The following TNRC6B variants were observed in gnomAD, a reference collection of about 807,000 sequenced individuals.
TNRC6B encodes the protein trinucleotide repeat containing adaptor 6B, also known as trinucleotide repeat-containing gene 6B protein.
In TNRC6B, 52 loss-of-function variants were observed where a neutral mutation model predicts 203.6. The ratio of observed to expected loss-of-function variants is 0.26; its 90% CI spans 0.20 to 0.32. The LOEUF (loss-of-function observed/expected upper bound fraction) is 0.32. Ranked by LOEUF, TNRC6B falls within the 10% of genes least tolerant of loss-of-function variation. The pLI is 1.00. For synonymous variants in TNRC6B, 838 were observed against 845.7 expected (o/e 0.99, Z 0.16); for missense variants, 1,923 against 2,286.2 (o/e 0.84, Z 3.24).
intron 1 of TNRC6B, among the ~76,000 whole-genome samples, chr22:40,214,016 C>G (rs1442451246): frequency 6.6e-6 from 1 of 152,026 alleles, no homozygotes; most frequent in African/African-American, 2.4e-5. Context: ...GCTTGTAATC[C>G]CAGCACTTTG....
In TNRC6B at chr22:40,052,444, A is replaced by ATTTTTT. The variant is rs908013463; in HGVS notation, c.-121+7468_-121+7473dup. The stretch of plus-strand genomic sequence containing the variant: ...GCTTAATAGCAACGCTGTGTATTGT[A>ATTTTTT]TTTTTTTTTTTTTTTTTTTTTTTTT... On this transcript the variant is annotated intron_variant, in intron 1 of 23. Coordinates refer to the TNRC6B transcript ENST00000301923. Among the ~76,000 whole-genome samples the ATTTTTT allele has an allele frequency of 1.6e-3, 82 of 51,860 alleles. 2 individuals are homozygous for ATTTTTT. Among genetic ancestry groups the ATTTTTT allele is most frequent in the East Asian group, 3.2e-3 (6 of 1,884 alleles). The allele number at this position is 51,860 out of a possible 152,430, so 34.0% of individuals were successfully genotyped here. A position where few individuals can be genotyped will look rare whatever the true frequency, so the allele number is the denominator to read the frequency against.
At chr22:40,170,958 TAC>T (rs1395268270) in intron 4 of TNRC6B, among the ~76,000 whole-genome samples, 2 of 147,104 alleles carry the variant, frequency 1.4e-5, no homozygotes, top group African/African-American at 2.5e-5. Flanking sequence ...GGTGTATATA[TAC>T]ACACATATAC....
At chr22:40,313,788 A>G (rs1323009831) in intron 19 of TNRC6B, among the ~76,000 whole-genome samples, 1 of 152,150 alleles carries the variant, frequency 6.6e-6, no homozygotes, top group Non-Finnish European at 1.5e-5. Context: ...CCTACCACTC[A>G]CTGAATGATC....
chr22:40,277,636 T>C (rs1332957588), intron 8 of TNRC6B, among the ~76,000 whole-genome samples: 2 of 152,240 alleles, frequency 1.3e-5, no homozygotes, highest in East Asian at 3.8e-4. Flanking sequence ...GTTGAAGGTT[T>C]GATGACTTGA....
chr22:40,248,062 G>A (rs1349113262), intron 2 of TNRC6B, among the ~76,000 whole-genome samples: 2 of 151,022 alleles, frequency 1.3e-5, no homozygotes, highest in African/African-American at 4.9e-5. Flanking sequence ...GTGACAGAGT[G>A]AGATCTTGTG....
At chr22:40,093,493 T>C (rs1461841480) in intron 1 of TNRC6B, among the ~76,000 whole-genome samples, 1 of 152,130 alleles carries the variant, frequency 6.6e-6, no homozygotes, top group Non-Finnish European at 1.5e-5. Context: ...CCTGGATACA[T>C]TGGCAAATTC....
At chr22:40,264,551 T>A (rs1284626936) in intron 4 of TNRC6B, 137 bp from the exon 5 acceptor site, 3 of 927,198 alleles carry the variant, frequency 3.2e-6, no homozygotes, top group Non-Finnish European at 4.6e-6. Context: ...ACAGTTGTGA[T>A]ACAAGCAACT....
Position 40,320,231 on chromosome 22 carries a change from C to T in TNRC6B, c.4975-859C>T, listed in dbSNP as rs529370441. ...GCGCGGTGGCTCATGCCTGTAATCC[C>T]AGCACTTTGGGAGGCTGAGGCGAGT... On this transcript the variant is annotated intron_variant, in intron 21 of 22. Transcript: ENST00000454349. Among the ~76,000 whole-genome samples, 5 of 152,256 alleles carry T rather than the reference C, an allele frequency of 3.3e-5. No individual in the cohort carries two copies. The South Asian group carries it at 1.0e-3, about 32-fold the overall frequency.
chr22:40,060,483 C>G (rs115820957), intron 1 of TNRC6B, among the ~76,000 whole-genome samples: 1 of 152,158 alleles, frequency 6.6e-6, no homozygotes, highest in Admixed American at 6.5e-5. Context: ...TTTCCAAATA[C>G]TTGGAAGTTT....
At chr22:40,081,097 G>A (rs1278393295) in intron 1 of TNRC6B, among the ~76,000 whole-genome samples, 2 of 151,998 alleles carry the variant, frequency 1.3e-5, no homozygotes, top group African/African-American at 2.4e-5. Flanking sequence ...CTGACCTCAA[G>A]TGATCCACCC....
chr22:40,257,716 C>CA lies in TNRC6B; in HGVS notation c.116-4106dup, dbSNP rs908959282. ...GGGCAACAAGAGCGAAACTCCGCCT[C>CA]AAAAAAAAAAGTAAATGAATGGACG... On this transcript the variant is annotated intron_variant, in intron 3 of 22. Transcript: ENST00000454349. Among the ~76,000 whole-genome samples, 91 of 143,038 alleles carry CA rather than the reference C, an allele frequency of 6.4e-4. No homozygotes were observed. In the East Asian group the frequency reaches 0.015, roughly 23 times the overall value. 93.8% of individuals were successfully genotyped at this position (143,038 alleles called of 152,430 possible). A position where few individuals can be genotyped will look rare whatever the true frequency, so the allele number is the denominator to read the frequency against.
At chr22:40,249,320 G>A (rs190337462) in intron 2 of TNRC6B, among the ~76,000 whole-genome samples, 1 of 152,210 alleles carries the variant, frequency 6.6e-6, no homozygotes, top group Non-Finnish European at 1.5e-5. Context: ...TTTTCTTGAA[G>A]AATTGACACT....
At chr22:40,294,420 C>T (rs757712857) in intron 12 of TNRC6B, among the ~76,000 whole-genome samples, 3 of 152,156 alleles carry the variant, frequency 2.0e-5, no homozygotes, top group Non-Finnish European at 4.4e-5. Context: ...CAAAATTTCC[C>T]TCTTCATATG....
At chr22:40,298,751 G>A (rs912366410) in intron 12 of TNRC6B, among the ~76,000 whole-genome samples, 2 of 152,036 alleles carry the variant, frequency 1.3e-5, no homozygotes, top group African/African-American at 2.4e-5. Flanking sequence ...CGGATCATGA[G>A]GTCAGGAGAT....
chr22:40,105,227 C>T (rs1716118470), intron 1 of TNRC6B, among the ~76,000 whole-genome samples: 2 of 152,154 alleles, frequency 1.3e-5, no homozygotes, highest in African/African-American at 4.8e-5. Flanking sequence ...AAAGTTATAC[C>T]AAAAATACCA....
rs767834445 is a variant in TNRC6B at position 40,312,591 on chromosome 22, G to T, written c.4522G>T (p.Gly1508Cys). The stretch of plus-strand genomic sequence containing the variant: ...TGTCACCCCAGGAAGTGTGCTGGGG[G>T]GTACAGCCACATCTCCCATTGTAGA... ...PYVTPGSVLG[G>C]TATSPIVDTD... The change falls in exon 18 of 23, where the codon GGT becomes TGT. Residue 1508 changes from glycine to cysteine, a missense_variant. Around this residue, in one of 8 missense-constraint regions of TNRC6B, gnomAD observed 159 missense variants for 181.0 expected, o/e 0.88. Transcript: ENST00000454349. 13 of 1,613,704 alleles carry T rather than the reference G, an allele frequency of 8.1e-6. No homozygotes were observed. The highest frequency in any genetic ancestry group is 1.7e-5 in the Admixed American group (1 of 59,954).
chr22:40,074,235 C>CAAA (rs944802253), intron 1 of TNRC6B, among the ~76,000 whole-genome samples: 2,585 of 68,270 alleles, frequency 0.038, 115 homozygotes, highest in African/African-American at 0.11. Flanking sequence ...CGCTCTGTCT[C>CAAA]AAAAAAAAAA....
At chr22:40,173,286 G>A (rs1477593443), upstream of TNRC6B, among the ~76,000 whole-genome samples, 1 of 151,822 alleles carries the variant, frequency 6.6e-6, no homozygotes, top group Non-Finnish European at 1.5e-5. Context: ...TAGTAGAGAC[G>A]GGGTTTCACC....
At chr22:40,294,035 G>A (rs1357662224) in intron 12 of TNRC6B, among the ~76,000 whole-genome samples, 1 of 132,382 alleles carries the variant, frequency 7.6e-6, no homozygotes, top group African/African-American at 2.9e-5. Context: ...CTAGGAGTTC[G>A]AGACAAGCCT....
Sources: allele counts gnomAD v4.1 joint callset (sites outside exome capture counted in the v4.1 genomes callset), GRCh38; gene constraint gnomAD v4.1.1; regional missense constraint gnomAD v4.1.1; transcripts MANE v1.5; gene names NCBI Gene and HGNC (gene_info 2026-07-23, HGNC 2026-07-21).